MYO5C: variants seen among roughly 807,000 people sequenced by gnomAD.
The protein encoded by MYO5C is myosin VC.
Under a neutral mutation model 235.7 loss-of-function variants are expected in MYO5C, and 194 were observed. The ratio of observed to expected loss-of-function variants is 0.82; its 90% CI spans 0.73 to 0.93. The LOEUF (loss-of-function observed/expected upper bound fraction) is 0.93. Among genes scored for constraint, MYO5C ranks in the 40% least tolerant of loss-of-function variants. MYO5C has a pLI of 0.00. For missense variants in MYO5C, 2,038 were observed against 2,127.2 expected, an observed-to-expected ratio of 0.96 and a Z score of 0.82; for synonymous variants, 707 against 754.8, an observed-to-expected ratio of 0.94 and a Z score of 1.04.
chr15:52,270,185 C>T (rs952441447), intron 7 of MYO5C, among the ~76,000 whole-genome samples: 23 of 152,046 alleles, frequency 1.5e-4, no homozygotes, highest in African/African-American at 4.8e-5. Flanking sequence ...AGGAGGCTGA[C>T]GTGGGAGGAT....
chr15:52,202,871 A>T (rs1282488967), intron 38 of MYO5C, among the ~76,000 whole-genome samples: 1 of 150,516 alleles, frequency 6.6e-6, no homozygotes, highest in Non-Finnish European at 1.5e-5. Flanking sequence ...TTTTTAAAAA[A>T]TTTTTCTGGG....
chr15:52,256,006 A>G (rs1204358756), intron 11 of MYO5C, among the ~76,000 whole-genome samples: 1 of 152,226 alleles, frequency 6.6e-6, no homozygotes, highest in East Asian at 1.9e-4. Flanking sequence ...ACTCATTCCC[A>G]TAATCCATTG....
At position 52,275,627 on chromosome 15, in the gene MYO5C, C is replaced by T. The variant is rs747741199; in HGVS notation, c.541G>A (p.Val181Ile). 16 of 1,614,082 alleles carry T rather than the reference C, an allele frequency of 9.9e-6. No individual in the cohort carries two copies. Among genetic ancestry groups the T allele is most frequent in the East Asian group, 6.7e-5 (3 of 44,896 alleles). ...TGAGCGTTGCTGCCCGATTTGCTGACGGTGGCAAAGTACCTCATGGCATAG... is the reference window on the plus strand; with the variant it reads ...TGAGCGTTGCTGCCCGATTTGCTGATGGTGGCAAAGTACCTCATGGCATAG... ...ARYAMRYFATVSKSGSNAHVE... is the reference protein window; with the variant it reads ...ARYAMRYFATISKSGSNAHVE... The change falls in exon 5 of 41, where the codon GTC becomes ATC. Residue 181 changes from valine to isoleucine, a missense_variant. Val to Ile is a conservative substitution (Grantham distance 29). Coordinates refer to ENST00000261839, the MANE Select transcript of MYO5C (RefSeq NM_018728.4).
chr15:52,202,928 GT>G (rs67608739), intron 38 of MYO5C, among the ~76,000 whole-genome samples: 44 of 146,080 alleles, frequency 3.0e-4, no homozygotes, highest in African/African-American at 1.1e-3. Flanking sequence ...ATTTTTTTTT[GT>G]TTTTTTTTTG....
intron 3 of MYO5C, 76 bp downstream of exon 3, chr15:52,279,432 TA>T (rs2037119161): frequency 1.3e-6 from 2 of 1,494,216 alleles, no homozygotes; most frequent in Non-Finnish European, 1.8e-6. Context: ...AGTATAAACA[TA>T]AAACAACCAG....
intron 4 of MYO5C, 27 bp from the exon 5 acceptor site, chr15:52,275,745 T>C: frequency 1.2e-6 from 2 of 1,611,234 alleles, no homozygotes; most frequent in Non-Finnish European, 1.7e-6. Context: ...TTTTCAAATA[T>C]TAGTTTCTTC....
At chr15:52,195,305 G>T in intron 40 of MYO5C, 72 bp downstream of exon 40, 1 of 1,013,950 alleles carries the variant, frequency 9.9e-7, no homozygotes, top group Non-Finnish European at 1.5e-6. Context: ...TTTCTATAAT[G>T]TTAATTAAGT....
At chr15:52,262,795 A>G (rs555649595) in intron 9 of MYO5C, among the ~76,000 whole-genome samples, 81 of 152,352 alleles carry the variant, frequency 5.3e-4, no homozygotes, top group Non-Finnish European at 1.0e-3. Flanking sequence ...AACTATTCCC[A>G]TCAGTTATTT....
chr15:52,228,993 G>A lies in MYO5C; in HGVS notation c.3207+140C>T, dbSNP rs114146511. On this transcript the variant is annotated intron_variant, in intron 25 of 40. Transcript: ENST00000261839. Reference sequence around the variant, plus strand: ...ATCAAAGGCAGCCTGGAGGTGCACAGTTGGAAGGACTGAAGGAATCAGGCT... The same window carrying A: ...ATCAAAGGCAGCCTGGAGGTGCACAATTGGAAGGACTGAAGGAATCAGGCT... 1,423 of 901,288 alleles carry A rather than the reference G, an allele frequency of 1.6e-3. 19 individuals carry two copies. In the African/African-American group the frequency reaches 0.022, roughly 14 times the overall value. 55.8% of individuals were successfully genotyped at this position (901,288 alleles called of 1,614,324 possible).
chr15:52,205,246 A>C, intron 37 of MYO5C, 99 bp from the exon 38 acceptor site: 8 of 1,340,402 alleles, frequency 6.0e-6, no homozygotes, highest in Non-Finnish European at 8.2e-6. Flanking sequence ...ACATTTTTCT[A>C]CAAGAGTCAG....
chr15:52,290,772 A>G (rs148173104), intron 1 of MYO5C, among the ~76,000 whole-genome samples: 2 of 152,356 alleles, frequency 1.3e-5, no homozygotes, highest in Admixed American at 6.5e-5. Flanking sequence ...GCTAAAGATG[A>G]TCAAGATTCA....
intron 20 of MYO5C, 92 bp from the exon 21 acceptor site, chr15:52,239,971 T>C: frequency 1.5e-6 from 2 of 1,354,010 alleles, no homozygotes; most frequent in Non-Finnish European, 2.0e-6. Context: ...TACCACGGTG[T>C]AGAAAATGAG....
intron 16 of MYO5C, among the ~76,000 whole-genome samples, chr15:52,246,643 C>G (rs2036352103): frequency 2.0e-5 from 3 of 152,186 alleles, no homozygotes; most frequent in Non-Finnish European, 1.5e-5. Context: ...CACACATACT[C>G]ATTCTTCTTT....
intron 11 of MYO5C, 128 bp downstream of exon 11, chr15:52,256,511 T>C: frequency 1.6e-6 from 1 of 641,580 alleles, no homozygotes; most frequent in Non-Finnish European, 2.8e-6. Context: ...AGCGTGAGGC[T>C]CCTTGCATAA....
chr15:52,208,495 A>G (rs1371467743), intron 36 of MYO5C, 59 bp downstream of exon 36: 1 of 1,500,926 alleles, frequency 6.7e-7, no homozygotes, highest in African/African-American at 1.4e-5. Context: ...GCTCTGGCTC[A>G]GGAGGAGGTT....
chr15:52,237,322 C>A, intron 22 of MYO5C, 160 bp downstream of exon 22: 1 of 776,666 alleles, frequency 1.3e-6, no homozygotes, highest in East Asian at 2.6e-5. Flanking sequence ...ATCCTCTGAT[C>A]TCGCCTTTCC....
chr15:52,262,708 T>C (rs2140828662), intron 9 of MYO5C, among the ~76,000 whole-genome samples: 1 of 152,326 alleles, frequency 6.6e-6, no homozygotes, highest in Admixed American at 6.5e-5. Flanking sequence ...CAGGAGCTCA[T>C]GCTCCACTCA....
intron 22 of MYO5C, 98 bp from the exon 23 acceptor site, chr15:52,235,861 AG>A: frequency 1.3e-6 from 1 of 748,798 alleles, no homozygotes; most frequent in Non-Finnish European, 2.2e-6. Flanking sequence ...TTCTTAAATT[AG>A]TTTATTTTTT....
At chr15:52,235,813 A>G (rs1252486247) in intron 22 of MYO5C, 50 bp from the exon 23 acceptor site, 5 of 1,210,676 alleles carry the variant, frequency 4.1e-6, no homozygotes, top group Non-Finnish European at 6.0e-6. Flanking sequence ...CCTCACTTCA[A>G]GTTGTCACCA....
Sources: gnomAD v4.1 joint callset for allele counts (sites outside exome capture counted in the v4.1 genomes callset) on GRCh38, gnomAD v4.1.1 for gene constraint, MANE v1.5 for transcripts, NCBI Gene and HGNC (gene_info 2026-07-23, HGNC 2026-07-21) for gene names.